FAM149A: variants seen among roughly 807,000 people sequenced by gnomAD.
The protein encoded by FAM149A is protein FAM149A.
Under a neutral mutation model 78.2 loss-of-function variants are expected in FAM149A, and 71 were observed. The observed-to-expected ratio is 0.91, with a 90% CI of 0.75 to 1.11. The LOEUF (loss-of-function observed/expected upper bound fraction) is 1.11. Among genes scored for constraint, FAM149A ranks in the 50% least tolerant of loss-of-function variants. FAM149A has a pLI of 0.00. For synonymous variants in FAM149A, 446 were observed against 410.5 expected, an observed-to-expected ratio of 1.09 and a Z score of -1.04; for missense variants, 1,036 against 971.0, an observed-to-expected ratio of 1.07 and a Z score of -0.89.
intron 6 of FAM149A, chr4:186,154,874 G>A: frequency 1.0e-6 from 1 of 985,400 alleles, no homozygotes; most frequent in Non-Finnish European, 1.2e-6. Flanking sequence ...GCTCCTCGCA[G>A]CCCTGGTCCT....
chr4:186,170,187 T>A (rs2126557728), intron 13 of FAM149A, among the ~76,000 whole-genome samples: 1 of 152,236 alleles, frequency 6.6e-6, no homozygotes, highest in South Asian at 2.1e-4. Context: ...GGGCTGTAGG[T>A]GCCGGCCTGT....
chr4:186,165,493 G>T, intron 11 of FAM149A, 29 bp downstream of exon 11: 1 of 1,612,512 alleles, frequency 6.2e-7, no homozygotes, highest in Non-Finnish European at 8.5e-7. Context: ...TATTTCAGTG[G>T]ACCATTTAGG....
chr4:186,152,897 C>T (rs111737916), intron 4 of FAM149A, among the ~76,000 whole-genome samples: 7,517 of 152,192 alleles, frequency 0.049, 627 homozygotes, highest in African/African-American at 0.17. Context: ...GACAGTTTAT[C>T]AAAGTTACCT....
rs150961217 is a variant in FAM149A at position 186,167,192 on chromosome 4, G to A, written c.2148G>A (p.Thr716=). The A allele has an allele frequency of 3.6e-4, 581 of 1,609,848 alleles. 1 individual carries two copies. Among genetic ancestry groups the A allele is most frequent in the Middle Eastern group, 6.6e-4 (4 of 6,050 alleles). Reference sequence around the variant, plus strand: ...TATTTTTCTTCCAGCAGTCGGATACGCCTCGAAAAAGTTCATTGACACAAA... The same window carrying A: ...TATTTTTCTTCCAGCAGTCGGATACACCTCGAAAAAGTTCATTGACACAAA... Residue 716 remains threonine, a synonymous_variant, in exon 13 of 14, where the codon ACG becomes ACA. Coordinates refer to ENST00000389354, the MANE Select transcript of FAM149A (RefSeq NM_001367768.3).
intron 1 of FAM149A, chr4:186,146,748 G>A (rs1733076161): frequency 1.0e-6 from 1 of 967,384 alleles, no homozygotes; most frequent in Non-Finnish European, 1.2e-6. Context: ...ACTTTTTAAC[G>A]AGTAAAACGT....
chr4:186,105,286 C>G lies in FAM149A; in HGVS notation c.210C>G (p.Pro70=), dbSNP rs892373071. The G allele has an allele frequency of 2.2e-5, 26 of 1,191,858 alleles. No homozygotes were observed. The Middle Eastern group carries it at 1.1e-3, about 51-fold the overall frequency. The allele number at this position is 1,191,858 out of a possible 1,614,324, so 73.8% of individuals were successfully genotyped here. Residue 70 remains proline, a synonymous_variant, in exon 1 of 14, where the codon CCC becomes CCG. Coordinates refer to ENST00000389354, the MANE Select transcript of FAM149A (RefSeq NM_001367768.3). Reference sequence around the variant, plus strand: ...CCCCCTCCGCCTCGCGGCGGTCGCCCGCCCCGCTGCTCTCCTCCCCCTACT... The same window carrying G: ...CCCCCTCCGCCTCGCGGCGGTCGCCGGCCCCGCTGCTCTCCTCCCCCTACT...
chr4:186,165,445 C>T lies in FAM149A; in HGVS notation c.1991C>T (p.Pro664Leu), dbSNP rs1734955797. Residue 664 changes from proline to leucine, a missense_variant, in exon 11 of 14, where the codon CCT (proline) becomes CTT (leucine). Pro to Leu is a moderately conservative substitution (Grantham distance 98). This residue lies in a region of FAM149A where 716 missense variants were observed against 711.8 expected (regional missense o/e 1.01). Transcript: ENST00000389354. ...ACCAGGGGGCAGAATACAGCAGTTC[C>T]TGGATGCCGCCTTGTTTCTGTAAGA... 6.2e-7 allele frequency: 1 copy of T among 1,614,198 alleles called. No homozygotes were observed. Among genetic ancestry groups the T allele is most frequent in the Non-Finnish European group, 8.5e-7 (1 of 1,180,024 alleles).
intron 1 of FAM149A, among the ~76,000 whole-genome samples, chr4:186,136,992 C>CTCTCTCTCTCTCTCTCTCTT (rs2099323484): frequency 5.5e-5 from 7 of 126,790 alleles, no homozygotes; most frequent in African/African-American, 1.7e-4. Flanking sequence ...CTCTCTCTCT[C>CTCTCTCTCTCTCTCTCTCTT]TCTCTCTCTC....
rs1201375688 is a variant in FAM149A at position 186,174,691 on chromosome 4, A to G, written c.*2704A>G. On this transcript the variant is annotated 3_prime_UTR_variant, in exon 14 of 14. Coordinates refer to ENST00000389354, the MANE Select transcript of FAM149A (RefSeq NM_001367768.3). ...TAAAGTGCCATTTTAGAGATTACAT[A>G]GAGACTTGGCCCTGTCATTGATTTT... Among the ~76,000 whole-genome samples, 23 of 111,248 alleles carry G rather than the reference A, an allele frequency of 2.1e-4. 7 individuals are homozygous for G. The highest frequency in any genetic ancestry group is 6.5e-4 in the African/African-American group (23 of 35,594). The allele number at this position is 111,248 out of a possible 152,430, so 73.0% of individuals were successfully genotyped here.
At chr4:186,166,243 C>G (rs1392143565) in intron 11 of FAM149A, among the ~76,000 whole-genome samples, 1 of 152,206 alleles carries the variant, frequency 6.6e-6, no homozygotes, top group Admixed American at 6.5e-5. Context: ...AAAACCCTAC[C>G]TGGGGCCAGG....
chr4:186,154,658 A>T lies in FAM149A; in HGVS notation c.1229+20A>T. The T allele has an allele frequency of 6.3e-7, 1 of 1,595,670 alleles. No individual in the cohort carries two copies. Among genetic ancestry groups the T allele is most frequent in the Non-Finnish European group, 8.6e-7 (1 of 1,167,526 alleles). ...AGAGGAGTAAATAGAATCTTATTTGACATTGACCTCATAAAATAATATTAA... is the reference window on the plus strand; with the variant it reads ...AGAGGAGTAAATAGAATCTTATTTGTCATTGACCTCATAAAATAATATTAA... On this transcript the variant is annotated intron_variant, in intron 6 of 13. Coordinates refer to ENST00000389354, the MANE Select transcript of FAM149A (RefSeq NM_001367768.3).
rs2099318582 is a variant in FAM149A, at chr4:186,126,973, A to G, written c.566+21331A>G. 5.1e-6 allele frequency: 5 copies of G among 985,264 alleles called. No individual in the cohort carries two copies. The South Asian group carries it at 2.3e-4, about 46-fold the overall frequency. 61.0% of individuals were successfully genotyped at this position (985,264 alleles called of 1,614,324 possible). A position where few individuals can be genotyped will look rare whatever the true frequency, so the allele number is the denominator to read the frequency against. On this transcript the variant is annotated intron_variant, in intron 1 of 13. Coordinates refer to ENST00000389354, the MANE Select transcript of FAM149A (RefSeq NM_001367768.3). Reference sequence around the variant, plus strand: ...TGCTTTGGAACCACTGAAGAGGCTTATTGAAGACTGGAATGGAATGGAATT... The same window carrying G: ...TGCTTTGGAACCACTGAAGAGGCTTGTTGAAGACTGGAATGGAATGGAATT...
intron 1 of FAM149A, among the ~76,000 whole-genome samples, chr4:186,136,998 CTCTCTCTCTCTCTCTCTCTCT>C (rs2099323530): frequency 7.2e-6 from 1 of 138,940 alleles, no homozygotes; most frequent in Non-Finnish European, 1.5e-5. Context: ...CTCTCTCTCT[CTCTCTCTCTCTCTCTCTCTCT>C]AAGTGCTTAA....
Position 186,165,331 on chromosome 4 carries a change from T to A in FAM149A, c.1890-13T>A, listed in dbSNP as rs760986025. 4 of 1,614,062 alleles carry A rather than the reference T, an allele frequency of 2.5e-6. No individual in the cohort carries two copies. The highest frequency in any genetic ancestry group is 8.5e-7 in the Non-Finnish European group (1 of 1,180,014). On this transcript the variant is annotated splice_polypyrimidine_tract_variant and intron_variant, in intron 10 of 13. Transcript: ENST00000389354. ...TGTACCTGGGTGCTCAGTGACATGA[T>A]GATGTGTTGCAGGCCGACTGGCGTG...
chr4:186,152,953 T>C (rs145774458), intron 4 of FAM149A, among the ~76,000 whole-genome samples: 1 of 152,166 alleles, frequency 6.6e-6, no homozygotes, highest in Admixed American at 6.5e-5. Flanking sequence ...AGAACACTCA[T>C]GTAAATGTGG....
rs1048967807 is a variant in FAM149A, at chr4:186,174,626, A to G, written c.*2639A>G. Reference sequence around the variant, plus strand: ...ATTGGTAAAAGACAAAATATTTTTTAAAAAGTGATCTTGAGTCTTCTAAAC... The same window carrying G: ...ATTGGTAAAAGACAAAATATTTTTTGAAAAGTGATCTTGAGTCTTCTAAAC... On this transcript the variant is annotated 3_prime_UTR_variant, in exon 14 of 14. Transcript: ENST00000389354. 9.0e-5 allele frequency among the ~76,000 whole-genome samples: 10 copies of G among 111,174 alleles called. 3 individuals are homozygous for G. The South Asian group carries it at 2.7e-3, about 31-fold the overall frequency. 72.9% of individuals were successfully genotyped at this position (111,174 alleles called of 152,430 possible).
In FAM149A at chr4:186,156,061, C is replaced by T. The variant is rs1561409539; in HGVS notation, c.1291C>T (p.Leu431Phe). ...CGGTAGGAAATGGCGCAAACTCGGACTTCCTCCTGTTTCCCCGCGTGACTG... is the reference window on the plus strand; with the variant it reads ...CGGTAGGAAATGGCGCAAACTCGGATTTCCTCCTGTTTCCCCGCGTGACTG... Residue 431 changes from leucine (L) to phenylalanine (F), a missense_variant, in exon 7 of 14, where the codon CTT (leucine) becomes TTT (phenylalanine). Physicochemically the swap from Leu to Phe is conservative, Grantham distance 22 (BLOSUM62 0). Coordinates refer to ENST00000389354, the MANE Select transcript of FAM149A (RefSeq NM_001367768.3). 11 of 1,613,902 alleles carry T rather than the reference C, an allele frequency of 6.8e-6. No individual in the cohort carries two copies. The East Asian group carries it at 1.8e-4, about 26-fold the overall frequency.
intron 1 of FAM149A, chr4:186,124,048 G>T: frequency 1.0e-6 from 1 of 954,714 alleles, no homozygotes; most frequent in Non-Finnish European, 1.2e-6. Context: ...GTAGTGGGTG[G>T]CCACTTTGTT....
chr4:186,125,755 G>A (rs2099318048), intron 1 of FAM149A: 2 of 985,220 alleles, frequency 2.0e-6, no homozygotes, highest in African/African-American at 1.7e-5. Context: ...ACTGAGAGAA[G>A]GCAAAGAACA....
Sources: allele counts gnomAD v4.1 joint callset (sites outside exome capture counted in the v4.1 genomes callset), GRCh38; gene constraint gnomAD v4.1.1; regional missense constraint gnomAD v4.1.1; transcripts MANE v1.5; gene names NCBI Gene and HGNC (gene_info 2026-07-23, HGNC 2026-07-21).